The following CTNNA2 variants were observed in gnomAD, a reference collection of about 807,000 sequenced individuals.
The protein encoded by CTNNA2 is catenin alpha 2, also known as catenin alpha-2.
CTNNA2 carries 42 observed loss-of-function variants against 101.0 expected under a neutral mutation model. That is an observed-to-expected ratio of 0.42 (90% confidence interval 0.32 to 0.54). The LOEUF (loss-of-function observed/expected upper bound fraction) is 0.54. CTNNA2 is among the 20% of genes least tolerant of loss of function. CTNNA2 has a pLI of 0.14. For synonymous variants in CTNNA2, 450 were observed against 456.4 expected (o/e 0.99, Z 0.18); for missense variants, 871 against 1,223.1 (o/e 0.71, Z 4.29).
intron 8 of CTNNA2, among the ~76,000 whole-genome samples, chr2:80,407,447 T>A (rs1210175918): frequency 2.0e-5 from 3 of 152,210 alleles, no homozygotes; most frequent in South Asian, 2.1e-4. Flanking sequence ...TTACTATCTC[T>A]GTCCCAAACT....
chr2:79,824,992 C>T (rs547627989), intron 3 of CTNNA2, among the ~76,000 whole-genome samples: 38 of 152,202 alleles, frequency 2.5e-4, no homozygotes, highest in Admixed American at 1.7e-3. Context: ...GGGTTCAGCA[C>T]AAACCTTGGC....
chr2:79,216,738 C>T (rs550926652), intron 2 of CTNNA2, among the ~76,000 whole-genome samples: 68 of 129,706 alleles, frequency 5.2e-4, no homozygotes, highest in East Asian at 4.2e-3. Flanking sequence ...GCGGTACTTG[C>T]AGCTAAGGGT....
chr2:79,708,186 C>T (rs1369272814), intron 2 of CTNNA2, among the ~76,000 whole-genome samples: 1 of 152,180 alleles, frequency 6.6e-6, no homozygotes, highest in Non-Finnish European at 1.5e-5. Context: ...ATACAGTGTA[C>T]TATGCTTATT....
chr2:79,763,146 A>G (rs1672914451), intron 3 of CTNNA2, among the ~76,000 whole-genome samples: 1 of 152,176 alleles, frequency 6.6e-6, no homozygotes, highest in African/African-American at 2.4e-5. Context: ...TTTCCTTGTT[A>G]ATGAAGTCTA....
At chr2:79,728,157 A>T (rs951207882) in intron 2 of CTNNA2, among the ~76,000 whole-genome samples, 22 of 152,246 alleles carry the variant, frequency 1.4e-4, no homozygotes, top group African/African-American at 4.8e-4. Context: ...CACCACACTG[A>T]CTTCCACAAT....
intron 9 of CTNNA2, among the ~76,000 whole-genome samples, chr2:80,498,713 T>C (rs543581934): frequency 6.6e-6 from 1 of 152,334 alleles, no homozygotes; most frequent in South Asian, 2.1e-4. Context: ...GCCCCATCTC[T>C]CTCTTAAATT....
At chr2:79,361,940 A>G (rs1677639879) in intron 3 of CTNNA2, among the ~76,000 whole-genome samples, 1 of 152,172 alleles carries the variant, frequency 6.6e-6, no homozygotes, top group South Asian at 2.1e-4. Context: ...CGACTCAAAT[A>G]TTAATCTCCT....
At chr2:79,504,196 T>C (rs952123905) in intron 4 of CTNNA2, among the ~76,000 whole-genome samples, 2 of 152,224 alleles carry the variant, frequency 1.3e-5, no homozygotes, top group African/African-American at 2.4e-5. Context: ...CATACCACTA[T>C]ATATGTGAAT....
At chr2:80,321,360 G>A (rs903341486) in intron 7 of CTNNA2, among the ~76,000 whole-genome samples, 1 of 152,184 alleles carries the variant, frequency 6.6e-6, no homozygotes, top group Non-Finnish European at 1.5e-5. Context: ...TTGACTGGTG[G>A]TGAGGATGTT....
intron 6 of CTNNA2, 49 bp downstream of exon 6, chr2:79,874,391 A>T (rs779086307): frequency 1.5e-6 from 2 of 1,364,708 alleles, no homozygotes. Flanking sequence ...GGTGTTGACA[A>T]AAAAAAAAAA....
chr2:79,489,510 G>T (rs1404683335), intron 4 of CTNNA2, among the ~76,000 whole-genome samples: 1 of 152,194 alleles, frequency 6.6e-6, no homozygotes, highest in African/African-American at 2.4e-5. Context: ...CTCAGATAAT[G>T]TAGGGCTTTC....
chr2:80,182,757 T>G (rs1488829760), intron 7 of CTNNA2, among the ~76,000 whole-genome samples: 2 of 152,188 alleles, frequency 1.3e-5, no homozygotes, highest in East Asian at 3.9e-4. Flanking sequence ...AAGCCAGCTA[T>G]GTGCAGTTGA....
Position 79,651,566 on chromosome 2 carries a change from G to A in CTNNA2, c.10G>A (p.Ala4Thr). 6.2e-7 allele frequency: 1 copy of A among 1,613,726 alleles called. No homozygotes were observed. Among genetic ancestry groups the A allele is most frequent in the Non-Finnish European group, 8.5e-7 (1 of 1,179,786 alleles). ...TGTTCCCATAGGGAGCATGACTTCG[G>A]CAACTTCACCTATCATTCTGAAATG... MTS[A>T]TSPIILKWDP... Residue 4 changes from alanine (A) to threonine (T), a missense_variant, in exon 2 of 19, where the codon GCA becomes ACA. Ala to Thr is a moderately conservative substitution (Grantham distance 58). Coordinates refer to ENST00000402739, the MANE Select transcript of CTNNA2 (RefSeq NM_001282597.3).
In CTNNA2 at chr2:79,744,683, T is replaced by TA. The variant is rs374216983; in HGVS notation, c.298+102dup. On this transcript the variant is annotated intron_variant, in intron 3 of 18. Coordinates refer to ENST00000402739, the MANE Select transcript of CTNNA2 (RefSeq NM_001282597.3). ...GGATATTTACTCAAAGAAGAAGTCT[T>TA]ACGTTTTTTTCCTTTCTATCTACAC... 4.2e-5 allele frequency: 50 copies of TA among 1,176,888 alleles called. No individual in the cohort carries two copies. The African/African-American group carries it at 5.7e-4, about 14-fold the overall frequency. 72.9% of individuals were successfully genotyped at this position (1,176,888 alleles called of 1,614,324 possible). A position where few individuals can be genotyped will look rare whatever the true frequency, so the allele number is the denominator to read the frequency against.
At chr2:80,497,846 A>T (rs1687587146) in intron 9 of CTNNA2, among the ~76,000 whole-genome samples, 1 of 152,056 alleles carries the variant, frequency 6.6e-6, no homozygotes, top group African/African-American at 2.4e-5. Flanking sequence ...TCGTCCTATA[A>T]CTGCAAGGAA....
At chr2:80,572,920 C>T (rs963404399) in intron 12 of CTNNA2, 4 of 152,208 alleles carry the variant, frequency 2.6e-5, no homozygotes, top group Non-Finnish European at 2.9e-5. Flanking sequence ...GTCTCCCCCT[C>T]CTTTTTTAAG....
chr2:79,195,740 G>T, intron 1 of CTNNA2: 1 of 461,324 alleles, frequency 2.2e-6, no homozygotes, highest in South Asian at 1.6e-5. Context: ...ACAGAGGGAT[G>T]TGTCATATCA....
chr2:79,669,743 G>C (rs1425236479), intron 2 of CTNNA2, among the ~76,000 whole-genome samples: 3 of 152,160 alleles, frequency 2.0e-5, no homozygotes, highest in African/African-American at 7.2e-5. Flanking sequence ...CTCTGCAGCT[G>C]GTCAAGGATG....
intron 4 of CTNNA2, among the ~76,000 whole-genome samples, chr2:79,375,451 G>A (rs1408113588): frequency 1.3e-5 from 2 of 152,104 alleles, no homozygotes; most frequent in African/African-American, 4.8e-5. Flanking sequence ...AGAAGAAAGA[G>A]TCCTCAAAGA....
Sources: gnomAD v4.1 joint callset for allele counts (sites outside exome capture counted in the v4.1 genomes callset) on GRCh38, gnomAD v4.1.1 for gene constraint, MANE v1.5 for transcripts, NCBI Gene and HGNC (gene_info 2026-07-23, HGNC 2026-07-21) for gene names.